AWAT1: variants seen among roughly 807,000 people sequenced by gnomAD.
AWAT1 encodes acyl-CoA wax alcohol acyltransferase 1.
A neutral mutation model predicts 21.6 loss-of-function variants in AWAT1; 26 were observed. The ratio of observed to expected loss-of-function variants is 1.20; its 90% CI spans 0.88 to 1.67. The LOEUF (loss-of-function observed/expected upper bound fraction) is 1.67. Among genes scored for constraint, AWAT1 ranks in the 40% most tolerant of loss-of-function variants. AWAT1 has a pLI of 0.00. For synonymous variants in AWAT1, 102 were observed against 99.3 expected (o/e 1.03, Z -0.16); for missense variants, 264 against 249.4 (o/e 1.06, Z -0.39).
intron 1 of AWAT1, among the ~76,000 whole-genome samples, chrX:70,235,081 G>A (rs1461855776): frequency 1.8e-5 from 2 of 110,914 alleles, no homozygotes; most frequent in Non-Finnish European, 3.8e-5. Flanking sequence ...GGAAAAGTGA[G>A]GCCCAGGGAA....
rs1045978987 is a variant in AWAT1 at position 70,240,072 on chromosome X, G to C, written c.833-64G>C. The C allele has an allele frequency of 4.3e-6, 5 of 1,168,209 alleles. No homozygotes were observed. The African/African-American group carries it at 8.9e-5, about 21-fold the overall frequency. ...CGAGAGTCAGGCCCAAGGTAGGAGA[G>C]GGAGGTTAAAGGAAGAGGAGGTCCT... On this transcript the variant is annotated intron_variant, in intron 6 of 6. Transcript: ENST00000374521.
chrX:70,240,087 G>A, intron 6 of AWAT1, 49 bp from the exon 7 acceptor site: 1 of 1,189,074 alleles, frequency 8.4e-7, no homozygotes, highest in Non-Finnish European at 1.1e-6. Flanking sequence ...GTTAAAGGAA[G>A]AGGAGGTCCT....
rs1441103319 is a variant in AWAT1 at position 70,237,213 on chromosome X, A to G, written c.425A>G (p.Lys142Arg). The change falls in exon 4 of 7, where the codon AAG becomes AGG. Residue 142 changes from lysine to arginine, a missense_variant. Lys to Arg is a conservative substitution (Grantham distance 26). Transcript: ENST00000374521. Reference protein sequence around the residue: ...PHLATLSWFFKIPFVREYLMA... With the variant: ...PHLATLSWFFRIPFVREYLMA... Reference sequence around the variant, plus strand: ...TTGGCCACGCTGTCCTGGTTCTTCAAGATCCCCTTTGTTAGGGAGTACCTC... The same window carrying G: ...TTGGCCACGCTGTCCTGGTTCTTCAGGATCCCCTTTGTTAGGGAGTACCTC... The G allele has an allele frequency of 8.3e-7, 1 of 1,209,201 alleles. No homozygotes were observed. The highest frequency in any genetic ancestry group is 1.1e-6 in the Non-Finnish European group (1 of 894,356).
At chrX:70,235,968 T>C in intron 2 of AWAT1, 101 bp from the exon 3 acceptor site, 1 of 927,320 alleles carries the variant, frequency 1.1e-6, no homozygotes, top group Non-Finnish European at 1.6e-6. Flanking sequence ...TCTCCTCCTT[T>C]CCCACCTCTC....
At position 70,235,739 on chromosome X, in the gene AWAT1, G is replaced by A. The variant is rs146734633; in HGVS notation, c.100G>A (p.Val34Ile). The A allele has an allele frequency of 1.7e-5, 21 of 1,208,662 alleles. No individual in the cohort carries two copies. Among genetic ancestry groups the A allele is most frequent in the South Asian group, 3.5e-5 (2 of 56,709 alleles). Residue 34 changes from valine (V) to isoleucine (I), a missense_variant, in exon 2 of 7, where the codon GTC becomes ATC. Val to Ile is a conservative substitution (Grantham distance 29). Transcript: ENST00000374521. ...AGTTTGGATCTTGCAGCCATTGTTC[G>A]TCTACCTGCTGTTTACATCCTTGTG... is the stretch of plus-strand genomic sequence containing the variant. ...AIFWILQPLF[V>I]YLLFTSLWPL...
intron 3 of AWAT1, 107 bp downstream of exon 3, chrX:70,236,246 C>G: frequency 1.5e-6 from 1 of 657,358 alleles, no homozygotes; most frequent in Admixed American, 2.5e-5. Context: ...CCAGGGAAGT[C>G]TCAGTCTATG....
At chrX:70,237,645 A>G (rs2085519911) in intron 4 of AWAT1, among the ~76,000 whole-genome samples, 1 of 108,560 alleles carries the variant, frequency 9.2e-6, no homozygotes, top group Non-Finnish European at 1.9e-5. Flanking sequence ...CAGCCTAGCC[A>G]ACATGGGAAA....
Position 70,235,772 on chromosome X carries a change from C to T in AWAT1, c.133C>T (p.Pro45Ser), listed in dbSNP as rs1301419879. ...YLLFTSLWPLPVLYFAWLFLD... is the reference protein window; with the variant it reads ...YLLFTSLWPLSVLYFAWLFLD... ...GCTGTTTACATCCTTGTGGCCGCTA[C>T]CAGTGCTTTACTTTGCCTGGTTGTT... The change falls in exon 2 of 7, where the codon CCA (proline) becomes TCA (serine). Residue 45 changes from proline to serine, a missense_variant. Physicochemically the swap from Pro to Ser is moderately conservative, Grantham distance 74. Coordinates refer to ENST00000374521, the MANE Select transcript of AWAT1 (RefSeq NM_001013579.3). 1.7e-6 allele frequency: 2 copies of T among 1,210,991 alleles called. No individual in the cohort carries two copies. Among genetic ancestry groups the T allele is most frequent in the South Asian group, 3.5e-5 (2 of 56,950 alleles).
intron 2 of AWAT1, 74 bp downstream of exon 2, chrX:70,235,897 C>T: frequency 1.0e-6 from 1 of 1,003,366 alleles, no homozygotes; most frequent in Non-Finnish European, 1.4e-6. Context: ...CGCCATACCA[C>T]AGGCCCCTCA....
Position 70,240,137 on chromosome X carries a change from T to C in AWAT1, c.834T>C (p.Val278=), listed in dbSNP as rs771136550. The C allele has an allele frequency of 8.3e-7, 1 of 1,210,797 alleles. No homozygotes were observed. Among genetic ancestry groups the C allele is most frequent in the East Asian group, 3.0e-5 (1 of 33,822 alleles). Residue 278 remains valine, a splice_region_variant and synonymous_variant, in exon 7 of 7, where the codon GTT becomes GTC. Transcript: ENST00000374521. ...LPYSRPIVTV[V]GEPLPLPQIE... ...CTCTTTTCCGATCTCTCTTGGCAGTTGGGGAGCCTCTGCCACTGCCCCAAA... is the reference window on the plus strand; with the variant it reads ...CTCTTTTCCGATCTCTCTTGGCAGTCGGGGAGCCTCTGCCACTGCCCCAAA...
Position 70,237,224 on chromosome X carries a change from G to C in AWAT1, c.436G>C (p.Val146Leu). 8.3e-7 allele frequency: 1 copy of C among 1,207,844 alleles called. No homozygotes were observed. Among genetic ancestry groups the C allele is most frequent in the Non-Finnish European group, 1.1e-6 (1 of 893,479 alleles). ...TLSWFFKIPF[V>L]REYLMAKGVC... ...GTCCTGGTTCTTCAAGATCCCCTTT[G>C]TTAGGGAGTACCTCATGGCCAAAGG... The change falls in exon 4 of 7, where the codon GTT becomes CTT. Residue 146 changes from valine (V) to leucine (L), a missense_variant. Transcript: ENST00000374521.
intron 1 of AWAT1, 124 bp from the exon 2 acceptor site, chrX:70,235,592 A>G (rs912838110): frequency 7.5e-6 from 4 of 534,055 alleles, no homozygotes; most frequent in East Asian, 3.3e-5. Context: ...GATGATGAAC[A>G]GGACCTGGAT....
intron 1 of AWAT1, 135 bp from the exon 2 acceptor site, chrX:70,235,581 G>T (rs2085510692): frequency 1.9e-6 from 1 of 516,400 alleles, no homozygotes; most frequent in African/African-American, 2.3e-5. Context: ...AAGTAGACAT[G>T]GATGATGAAC....
rs2085524275 is a variant in AWAT1, at chrX:70,238,382, G to A, written c.631G>A (p.Gly211Arg). ...GTTCGTGCGCACAGCCCTCCAGCAT[G>A]GGTAGGTGTTCCCCACAGAGGGGCA... ...KGFVRTALQH[G>R]AHLVPTFTFG... The change falls in exon 5 of 7, where the codon GGG becomes AGG. Residue 211 changes from glycine to arginine, a missense_variant and splice_region_variant. Transcript: ENST00000374521. The A allele has an allele frequency of 8.4e-7, 1 of 1,186,140 alleles. No individual in the cohort carries two copies. Among genetic ancestry groups the A allele is most frequent in the African/African-American group, 1.8e-5 (1 of 56,878 alleles).
chrX:70,239,775 G>C lies in AWAT1; in HGVS notation c.673G>C (p.Val225Leu). The C allele has an allele frequency of 8.3e-7, 1 of 1,211,419 alleles. No individual in the cohort carries two copies. Among genetic ancestry groups the C allele is most frequent in the Non-Finnish European group, 1.1e-6 (1 of 895,193 alleles). ...CACCTTCACTTTTGGGGAAACTGAG[G>C]TGTATGATCAGGTGCTGTTCCATAA... ...VPTFTFGETE[V>L]YDQVLFHKDS... The change falls in exon 6 of 7, where the codon GTG becomes CTG. Residue 225 changes from valine to leucine, a missense_variant. Val to Leu is a conservative substitution (Grantham distance 32, BLOSUM62 1). Coordinates refer to ENST00000374521, the MANE Select transcript of AWAT1 (RefSeq NM_001013579.3).
Position 70,239,917 on chromosome X carries a change from G to C in AWAT1, c.815G>C (p.Arg272Thr). The C allele has an allele frequency of 8.3e-7, 1 of 1,209,874 alleles. No individual in the cohort carries two copies. Among genetic ancestry groups the C allele is most frequent in the Non-Finnish European group, 1.1e-6 (1 of 894,486 alleles). ...QGSTGLLPYS[R>T]PIVTVVGEPL... ...TCCACTGGGCTCCTGCCATACTCCA[G>C]GCCTATTGTCACTGTGGGTGAGTGC... is the stretch of plus-strand genomic sequence containing the variant. The change falls in exon 6 of 7, where the codon AGG becomes ACG. Residue 272 changes from arginine (R) to threonine (T), a missense_variant. Transcript: ENST00000374521.
intron 4 of AWAT1, 167 bp downstream of exon 4, chrX:70,237,415 C>T (rs2085518906): frequency 6.4e-6 from 3 of 469,938 alleles, no homozygotes; most frequent in Non-Finnish European, 1.1e-5. Flanking sequence ...ACCCTCCTAG[C>T]TCTACCACTT....
Position 70,234,764 on chromosome X carries a change from T to C in AWAT1, c.69T>C (p.Leu23=). Reference sequence around the variant, plus strand: ...TTCTGCAGTGGCCTTTGAGCTACCTTGCCATCTGTGAGTATTGACCCAAGA... The same window carrying C: ...TTCTGCAGTGGCCTTTGAGCTACCTCGCCATCTGTGAGTATTGACCCAAGA... ...LMLLQWPLSY[L]AIFWILQPLF... The change falls in exon 1 of 7, where the codon CTT becomes CTC. Residue 23 remains leucine (L), a synonymous_variant. Transcript: ENST00000374521. 1 of 1,207,306 alleles carries C rather than the reference T, an allele frequency of 8.3e-7. No homozygotes were observed. Among genetic ancestry groups the C allele is most frequent in the African/African-American group, 1.7e-5 (1 of 57,555 alleles).
At chrX:70,239,580 T>TTAAA (rs780061439) in intron 5 of AWAT1, among the ~76,000 whole-genome samples, 155 bp from the exon 6 acceptor site, 14 of 112,068 alleles carry the variant, frequency 1.2e-4, no homozygotes, top group African/African-American at 4.5e-4. Flanking sequence ...ACAAGAGACA[T>TTAAA]TAAATAGGGA....
Sources: gnomAD v4.1 joint callset for allele counts (sites outside exome capture counted in the v4.1 genomes callset) on GRCh38, gnomAD v4.1.1 for gene constraint, MANE v1.5 for transcripts, NCBI Gene and HGNC (gene_info 2026-07-23, HGNC 2026-07-21) for gene names.